Variants in ILKAP observed in about 807,000 individuals in gnomAD.
The protein encoded by ILKAP is ILK associated serine/threonine phosphatase.
A neutral mutation model predicts 49.1 loss-of-function variants in ILKAP; 11 were observed. The ratio of observed to expected loss-of-function variants is 0.22; its 90% CI spans 0.14 to 0.37. The LOEUF is 0.37. Among genes scored for constraint, ILKAP ranks in the 10% least tolerant of loss-of-function variants. ILKAP has a pLI of 1.00. For missense variants in ILKAP, 363 were observed against 510.8 expected, an observed-to-expected ratio of 0.71 and a Z score of 2.79; for synonymous variants, 186 against 192.8, an observed-to-expected ratio of 0.96 and a Z score of 0.29.
intron 2 of ILKAP, 86 bp downstream of exon 2, chr2:238,194,717 TGG>T: frequency 7.5e-7 from 1 of 1,339,212 alleles, no homozygotes; most frequent in Non-Finnish European, 1.1e-6. Context: ...GTGTTGAAAA[TGG>T]GGGAAAGGGA....
chr2:238,179,601 C>T (rs931216933), intron 9 of ILKAP, among the ~76,000 whole-genome samples: 39 of 152,214 alleles, frequency 2.6e-4, no homozygotes, highest in African/African-American at 7.9e-4. Context: ...CTGCTGATGA[C>T]GCAAGGCAAC....
chr2:238,182,287 G>GT (rs1485551505), intron 8 of ILKAP, 101 bp from the exon 9 acceptor site: 28 of 1,375,978 alleles, frequency 2.0e-5, no homozygotes, highest in Non-Finnish European at 2.2e-5. Flanking sequence ...GAAGAAAACA[G>GT]TTAACAATGG....
rs34150107 is a variant in ILKAP at position 238,170,635 on chromosome 2, G to A, written c.1080C>T (p.Asp360=). 8,905 of 1,601,756 alleles carry A rather than the reference G, an allele frequency of 5.6e-3. 122 individuals are homozygous for A. Among genetic ancestry groups the A allele is most frequent in the African/African-American group, 0.043 (3,216 of 74,788 alleles). ...IQTREGKSAA[D]ARYEAACNRL... ...TGTTGCAGGCTGCTTCGTAGCGGGC[G>A]TCGGCTGCGGACTTCCCTTCCCGGG... Residue 360 remains aspartate, a synonymous_variant, in exon 12 of 12, where the codon GAC becomes GAT. Coordinates refer to ENST00000254654, the MANE Select transcript of ILKAP (RefSeq NM_030768.3).
intron 10 of ILKAP, among the ~76,000 whole-genome samples, chr2:238,172,450 C>T (rs913097363): frequency 6.6e-6 from 1 of 152,332 alleles, no homozygotes; most frequent in Admixed American, 6.5e-5. Context: ...CAGGCTCCCA[C>T]CCCTTCCAGT....
rs772965183 is a variant in ILKAP at position 238,173,694 on chromosome 2, AT to A, written c.837-42del. The A allele has an allele frequency of 6.3e-5, 101 of 1,603,408 alleles. No homozygotes were observed. The African/African-American group carries it at 1.3e-3, about 21-fold the overall frequency. On this transcript the variant is annotated intron_variant, in intron 9 of 11. Coordinates refer to ENST00000254654, the MANE Select transcript of ILKAP (RefSeq NM_030768.3). ...AAACATTTCAGACTCTACCTGACAGATTATGGGTCCACAGTACTTAGAATCT... is the reference window on the plus strand; with the variant it reads ...AAACATTTCAGACTCTACCTGACAGATATGGGTCCACAGTACTTAGAATCT...
chr2:238,203,667 C>G lies in ILKAP; in HGVS notation c.-114G>C, dbSNP rs1017507070. On this transcript the variant is annotated 5_prime_UTR_variant, in exon 1 of 12. Transcript: ENST00000254654. ...CGGGCGGGCGACGGGCAGGGGCGGC[C>G]GGCGCCGTCAGTCACCTGCAGGGAG... 4 of 502,442 alleles carry G rather than the reference C, an allele frequency of 8.0e-6. No individual in the cohort carries two copies. The highest frequency in any genetic ancestry group is 2.8e-6 in the Non-Finnish European group (1 of 359,798). The allele number at this position is 502,442 out of a possible 1,614,324, so 31.1% of individuals were successfully genotyped here.
At position 238,197,694 on chromosome 2, in the gene ILKAP, C is replaced by G. The variant is rs191699598; in HGVS notation, c.56-2824G>C. Reference sequence around the variant, plus strand: ...GGTGCCCCAAACTGAGCCCCATCCCCAGAGAACTGCCTATCACCTTCTTTC... The same window carrying G: ...GGTGCCCCAAACTGAGCCCCATCCCGAGAGAACTGCCTATCACCTTCTTTC... On this transcript the variant is annotated intron_variant, in intron 1 of 11. Coordinates refer to ENST00000254654, the MANE Select transcript of ILKAP (RefSeq NM_030768.3). 9.2e-4 allele frequency among the ~76,000 whole-genome samples: 140 copies of G among 152,286 alleles called. 1 individual carries two copies. Among genetic ancestry groups the G allele is most frequent in the South Asian group, 6.4e-3 (31 of 4,818 alleles).
chr2:238,182,657 G>T (rs1693746189), intron 8 of ILKAP, among the ~76,000 whole-genome samples: 1 of 152,244 alleles, frequency 6.6e-6, no homozygotes, highest in Non-Finnish European at 1.5e-5. Flanking sequence ...CAGGTTCATT[G>T]TGTCTGTTTT....
intron 1 of ILKAP, among the ~76,000 whole-genome samples, chr2:238,197,952 G>C (rs1330875614): frequency 1.4e-4 from 22 of 152,274 alleles, no homozygotes; most frequent in Non-Finnish European, 2.9e-5. Flanking sequence ...AGATCACAGA[G>C]CCAGTAAGGA....
intron 3 of ILKAP, among the ~76,000 whole-genome samples, chr2:238,192,872 G>C (rs1354520741): frequency 6.6e-6 from 1 of 151,988 alleles, no homozygotes; most frequent in Non-Finnish European, 1.5e-5. Flanking sequence ...AATTAGCCAG[G>C]CATGGTGGCA....
At chr2:238,174,605 C>T (rs1693367114) in intron 9 of ILKAP, among the ~76,000 whole-genome samples, 1 of 152,202 alleles carries the variant, frequency 6.6e-6, no homozygotes, top group African/African-American at 2.4e-5. Context: ...GTCCTAAAGG[C>T]AGAATTCAGC....
chr2:238,182,525 TAGA>T (rs1693740012), intron 8 of ILKAP, among the ~76,000 whole-genome samples: 1 of 152,178 alleles, frequency 6.6e-6, no homozygotes, highest in African/African-American at 2.4e-5. Context: ...GCCTGGAGTC[TAGA>T]AGGCCAGAGA....
chr2:238,187,649 G>T (rs1455030411), intron 5 of ILKAP, among the ~76,000 whole-genome samples: 1 of 152,028 alleles, frequency 6.6e-6, no homozygotes, highest in South Asian at 2.1e-4. Flanking sequence ...AGCTCTGCTT[G>T]ATCACCATTC....
intron 1 of ILKAP, among the ~76,000 whole-genome samples, chr2:238,202,025 G>A (rs895055262): frequency 6.6e-6 from 1 of 152,104 alleles, no homozygotes; most frequent in African/African-American, 2.4e-5. Flanking sequence ...AGGAGTTCAA[G>A]ACCACCCTAC....
chr2:238,198,466 T>C (rs530917986), intron 1 of ILKAP, among the ~76,000 whole-genome samples: 1 of 152,320 alleles, frequency 6.6e-6, no homozygotes, highest in Admixed American at 6.5e-5. Context: ...CACGAACTAC[T>C]GTACTCAAGC....
At chr2:238,174,544 G>C (rs1166763745) in intron 9 of ILKAP, among the ~76,000 whole-genome samples, 1 of 152,214 alleles carries the variant, frequency 6.6e-6, no homozygotes, top group African/African-American at 2.4e-5. Flanking sequence ...GCAAGTTCAG[G>C]AGATGCGGTG....
At chr2:238,197,626 T>A (rs1180840486) in intron 1 of ILKAP, among the ~76,000 whole-genome samples, 1 of 152,196 alleles carries the variant, frequency 6.6e-6, no homozygotes, top group Admixed American at 6.5e-5. Flanking sequence ...TTAGTATTAA[T>A]ACTAGCCTGG....
At position 238,182,005 on chromosome 2, in the gene ILKAP, G is replaced by A. The variant is rs528324507; in HGVS notation, c.836+60C>T. The A allele has an allele frequency of 3.5e-4, 561 of 1,595,254 alleles. 1 individual carries two copies. The highest frequency in any genetic ancestry group is 4.6e-4 in the Non-Finnish European group (534 of 1,167,862). On this transcript the variant is annotated intron_variant, in intron 9 of 11. Transcript: ENST00000254654. The stretch of plus-strand genomic sequence containing the variant: ...GGAAGTTCTACTCCTTGAAGGTCTC[G>A]GGACCCTTCTACAGCTAACAGCCCT...
intron 8 of ILKAP, among the ~76,000 whole-genome samples, chr2:238,182,580 T>C (rs533417567): frequency 2.6e-5 from 4 of 152,294 alleles, no homozygotes; most frequent in South Asian, 4.1e-4. Flanking sequence ...AGGGCAAGCG[T>C]TGTGCATGCT....
Sources: allele counts gnomAD v4.1 joint callset (sites outside exome capture counted in the v4.1 genomes callset), GRCh38; gene constraint gnomAD v4.1.1; transcripts MANE v1.5; gene names NCBI Gene and HGNC (gene_info 2026-07-23, HGNC 2026-07-21).